The following PCDHA6 variants were observed in gnomAD, a reference collection of about 807,000 sequenced individuals.
PCDHA6 encodes the protein protocadherin alpha 6, also known as protocadherin alpha-6.
PCDHA6 carries 55 observed loss-of-function variants against 60.3 expected under a neutral mutation model. The ratio of observed to expected loss-of-function variants is 0.91; its 90% CI spans 0.73 to 1.14. The LOEUF is 1.14. PCDHA6 is among the 50% of genes most tolerant of loss of function. The pLI, the probability that PCDHA6 is intolerant of heterozygous loss-of-function variation, is 0.00. For missense variants in PCDHA6, 1,327 were observed against 1,256.5 expected (o/e 1.06, Z -0.85); for synonymous variants, 652 against 557.9 (o/e 1.17, Z -2.38).
intron 3 of PCDHA6, among the ~76,000 whole-genome samples, chr5:141,002,901 G>C (rs2098101392): frequency 6.6e-6 from 1 of 152,224 alleles, no homozygotes; most frequent in Admixed American, 6.5e-5. Flanking sequence ...GCAAGATGAA[G>C]AGAAGATCAG....
chr5:140,990,427 AC>A (rs1488981685), intron 3 of PCDHA6, among the ~76,000 whole-genome samples: 5 of 152,174 alleles, frequency 3.3e-5, no homozygotes, highest in African/African-American at 1.2e-4. Flanking sequence ...ACCAGCATTG[AC>A]CCAATCTTGT....
At chr5:140,977,448 CTCCTT>C (rs1554238572) in intron 1 of PCDHA6, among the ~76,000 whole-genome samples, 2 of 152,212 alleles carry the variant, frequency 1.3e-5, no homozygotes, top group Non-Finnish European at 2.9e-5. Context: ...ATAATGGAAA[CTCCTT>C]TGATTTGGTC....
chr5:140,899,101 G>T (rs1554188394), intron 1 of PCDHA6, among the ~76,000 whole-genome samples: 5 of 152,096 alleles, frequency 3.3e-5, no homozygotes, highest in Non-Finnish European at 7.4e-5. Context: ...CTGAGATAAT[G>T]GGGTTTTCTA....
At chr5:140,870,481 A>C (rs1329928274) in intron 1 of PCDHA6, 1 of 1,614,210 alleles carries the variant, frequency 6.2e-7, no homozygotes, top group East Asian at 2.2e-5. Context: ...GCCCGAGTAC[A>C]CCGTGTTCGT....
intron 2 of PCDHA6, 72 bp downstream of exon 2, chr5:140,979,079 T>C (rs1019875909): frequency 9.5e-6 from 15 of 1,584,162 alleles, no homozygotes; most frequent in African/African-American, 6.8e-5. Flanking sequence ...TGCATCTCCA[T>C]AGGCCAGAAG....
intron 1 of PCDHA6, among the ~76,000 whole-genome samples, chr5:140,899,719 C>A (rs2067514429): frequency 6.6e-6 from 1 of 152,198 alleles, no homozygotes; most frequent in Non-Finnish European, 1.5e-5. Flanking sequence ...AGGATTCCCT[C>A]TTTTTCTATT....
intron 3 of PCDHA6, among the ~76,000 whole-genome samples, chr5:141,009,291 T>G (rs115348370): frequency 2.9e-3 from 436 of 152,228 alleles, no homozygotes; most frequent in African/African-American, 9.9e-3. Flanking sequence ...CCCATTTCTA[T>G]AAAATTTTTT....
At chr5:140,927,301 C>A in intron 1 of PCDHA6, 3 of 1,614,204 alleles carry the variant, frequency 1.9e-6, no homozygotes, top group Non-Finnish European at 2.5e-6. Context: ...CCCCGAGTTC[C>A]TGACGCCCGG....
chr5:140,928,459 T>C (rs2085267166), intron 1 of PCDHA6: 1 of 1,614,106 alleles, frequency 6.2e-7, no homozygotes, highest in Non-Finnish European at 8.5e-7. Flanking sequence ...GGGGTTTCAT[T>C]TCCAAGTAGA....
chr5:140,949,924 A>AT (rs144693243), intron 1 of PCDHA6, among the ~76,000 whole-genome samples: 6 of 151,302 alleles, frequency 4.0e-5, no homozygotes, highest in African/African-American at 7.3e-5. Context: ...CTATTTTTAG[A>AT]TTTTTTTTAA....
intron 1 of PCDHA6, chr5:140,856,597 C>CA: frequency 1.3e-6 from 2 of 1,597,412 alleles, no homozygotes; most frequent in Non-Finnish European, 1.7e-6. Context: ...ATATTATAAA[C>CA]AAAAAAGACA....
At chr5:140,912,897 G>GT (rs1364534308) in intron 1 of PCDHA6, among the ~76,000 whole-genome samples, 12 of 152,290 alleles carry the variant, frequency 7.9e-5, no homozygotes, top group Admixed American at 3.3e-4. Context: ...TTGATATGAT[G>GT]TATCATATTG....
chr5:141,007,200 G>T (rs1437076735), intron 3 of PCDHA6, among the ~76,000 whole-genome samples: 2 of 152,010 alleles, frequency 1.3e-5, no homozygotes, highest in Admixed American at 6.6e-5. Context: ...GATGGTGGGG[G>T]CCAGAATATG....
intron 1 of PCDHA6, among the ~76,000 whole-genome samples, chr5:140,975,438 A>T (rs1436743661): frequency 5.9e-5 from 9 of 152,234 alleles, no homozygotes; most frequent in African/African-American, 1.7e-4. Flanking sequence ...ACACCAGGAT[A>T]TAGGGATCTT....
At chr5:140,884,520 C>A (rs782029549) in intron 1 of PCDHA6, 1 of 1,614,036 alleles carries the variant, frequency 6.2e-7, no homozygotes, top group Non-Finnish European at 8.5e-7. Flanking sequence ...TGGTCGTACT[C>A]GCAGCAGAGG....
intron 1 of PCDHA6, among the ~76,000 whole-genome samples, chr5:140,895,833 C>G (rs1325973837): frequency 2.0e-5 from 3 of 152,038 alleles, no homozygotes; most frequent in Non-Finnish European, 2.9e-5. Context: ...TTTTTTCAGA[C>G]AAAGTCTCAC....
At chr5:140,920,136 C>T (rs1554199437) in intron 1 of PCDHA6, among the ~76,000 whole-genome samples, 1 of 152,182 alleles carries the variant, frequency 6.6e-6, no homozygotes, top group African/African-American at 2.4e-5. Flanking sequence ...TTTAATTCTC[C>T]TCTCCAAACC....
chr5:140,968,257 T>A (rs781932747), intron 1 of PCDHA6: 1 of 1,614,064 alleles, frequency 6.2e-7, no homozygotes, highest in Non-Finnish European at 8.5e-7. Flanking sequence ...CAGACCCAGA[T>A]GAAAAGGAGA....
At chr5:140,918,324 A>G (rs782356672) in intron 1 of PCDHA6, among the ~76,000 whole-genome samples, 1 of 152,058 alleles carries the variant, frequency 6.6e-6, no homozygotes, top group Non-Finnish European at 1.5e-5. Flanking sequence ...ATAAAATTAT[A>G]TTGTCTGCTA....
Sources: allele counts gnomAD v4.1 joint callset (sites outside exome capture counted in the v4.1 genomes callset), GRCh38; gene constraint gnomAD v4.1.1; transcripts MANE v1.5; gene names NCBI Gene and HGNC (gene_info 2026-07-23, HGNC 2026-07-21).